KLHL24: variants seen among roughly 807,000 people sequenced by gnomAD.
KLHL24 encodes kelch like family member 24, also known as kelch-like protein 24.
In KLHL24, 29 loss-of-function variants were observed where a neutral mutation model predicts 53.4. The observed-to-expected ratio is 0.54, with a 90% CI of 0.40 to 0.74. The LOEUF is 0.74. Among genes scored for constraint, KLHL24 ranks in the 30% least tolerant of loss-of-function variants. The probability of loss-of-function intolerance (pLI) is 0.00; values close to 1 mark genes in which losing one functional copy is unlikely to be tolerated. For synonymous variants in KLHL24, 222 were observed against 253.7 expected, an observed-to-expected ratio of 0.88 and a Z score of 1.19; for missense variants, 504 against 744.0, an observed-to-expected ratio of 0.68 and a Z score of 3.75.
At chr3:183,640,999 A>G (rs910186318) in intron 1 of KLHL24, among the ~76,000 whole-genome samples, 2 of 152,148 alleles carry the variant, frequency 1.3e-5, no homozygotes, top group South Asian at 2.1e-4. Flanking sequence ...TAAACATTAC[A>G]TTTGTAAAAC....
chr3:183,652,071 C>T (rs1718197448), intron 3 of KLHL24, among the ~76,000 whole-genome samples: 1 of 152,094 alleles, frequency 6.6e-6, no homozygotes, highest in Non-Finnish European at 1.5e-5. Flanking sequence ...GATGTAAAAT[C>T]CAGGCCTCAA....
chr3:183,654,240 A>G (rs73884588), intron 3 of KLHL24, among the ~76,000 whole-genome samples: 2,619 of 152,096 alleles, frequency 0.017, 82 homozygotes, highest in African/African-American at 0.061. Context: ...TGGTCCTCCT[A>G]TTTCTCCAGT....
chr3:183,647,921 G>A (rs920740451), intron 2 of KLHL24, among the ~76,000 whole-genome samples: 4 of 152,020 alleles, frequency 2.6e-5, no homozygotes, highest in Admixed American at 6.6e-5. Context: ...CACGAAAATC[G>A]CTTGAACCCG....
intron 3 of KLHL24, among the ~76,000 whole-genome samples, chr3:183,655,945 A>T (rs1023042732): frequency 6.6e-6 from 1 of 151,904 alleles, no homozygotes; most frequent in Non-Finnish European, 1.5e-5. Flanking sequence ...AATTATTATT[A>T]ATTAAAATTT....
intron 7 of KLHL24, among the ~76,000 whole-genome samples, chr3:183,674,272 TTTCTTTC>T (rs1404447620): frequency 6.6e-6 from 1 of 150,586 alleles, no homozygotes; most frequent in East Asian, 1.9e-4. Context: ...TCTTTCTTTC[TTTCTTTC>T]TTTCTTTCTT....
rs760251540 is a variant in KLHL24, at chr3:183,679,211, T to A, written c.1728T>A (p.Ala576=). The A allele has an allele frequency of 6.2e-7, 1 of 1,614,068 alleles. No homozygotes were observed. The highest frequency in any genetic ancestry group is 8.5e-7 in the Non-Finnish European group (1 of 1,179,960). The change falls in exon 8 of 8, where the codon GCT becomes GCA. Residue 576 remains alanine (A), a synonymous_variant. Coordinates refer to ENST00000242810, the MANE Select transcript of KLHL24 (RefSeq NM_017644.3). The part of the protein sequence containing the change: ...DPATSIITGV[A]AMPRPVSYHG... ...CAACAAGTATCATCACAGGGGTAGC[T>A]GCAATGCCCAGGCCAGTGTCCTATC...
chr3:183,672,596 G>A (rs1009265456), intron 7 of KLHL24, 112 bp downstream of exon 7: 2 of 764,222 alleles, frequency 2.6e-6, no homozygotes, highest in African/African-American at 3.6e-5. Context: ...TGGGCGTGGT[G>A]GCTCACGCCT....
At position 183,679,226 on chromosome 3, in the gene KLHL24, A is replaced by G. The variant is rs1485380703; in HGVS notation, c.1743A>G (p.Pro581=). ...IITGVAAMPR[P]VSYHGCVTIH... ...CAGGGGTAGCTGCAATGCCCAGGCC[A>G]GTGTCCTATCATGGCTGTGTGACTA... The change falls in exon 8 of 8, where the codon CCA becomes CCG. Residue 581 remains proline (P), a synonymous_variant. Coordinates refer to ENST00000242810, the MANE Select transcript of KLHL24 (RefSeq NM_017644.3). 1 of 1,613,986 alleles carries G rather than the reference A, an allele frequency of 6.2e-7. No homozygotes were observed. The highest frequency in any genetic ancestry group is 1.3e-5 in the African/African-American group (1 of 74,924).
At position 183,650,556 on chromosome 3, in the gene KLHL24, A is replaced by T. The variant is rs1424446859; in HGVS notation, c.200A>T (p.Asp67Val). Residue 67 changes from aspartate (D) to valine (V), a missense_variant, in exon 3 of 8, where the codon GAT becomes GTT. Physicochemically the swap from Asp to Val is radical, Grantham distance 152. Coordinates refer to ENST00000242810, the MANE Select transcript of KLHL24 (RefSeq NM_017644.3). This position sits in a 1 kb window ranked among gnomAD's most constrained non-coding sequence, Gnocchi z 4.5. ...NEFRDSRLFT[D>V]VIICVEGKEF... ...TTTCGTGATAGCCGCTTATTCACAG[A>T]TGTTATCATTTGTGTGGAAGGAAAA... is the stretch of plus-strand genomic sequence containing the variant. The T allele has an allele frequency of 1.2e-6, 2 of 1,613,942 alleles. No homozygotes were observed. The highest frequency in any genetic ancestry group is 3.3e-5 in the Admixed American group (2 of 59,990).
intron 3 of KLHL24, among the ~76,000 whole-genome samples, chr3:183,653,665 A>G (rs532893980): frequency 1.3e-5 from 2 of 152,356 alleles, no homozygotes; most frequent in African/African-American, 4.8e-5. Flanking sequence ...TAGTTACAAA[A>G]CTAATTAATG....
intron 2 of KLHL24, among the ~76,000 whole-genome samples, chr3:183,644,463 T>C: frequency 6.6e-6 from 1 of 152,210 alleles, no homozygotes; most frequent in East Asian, 1.9e-4. Context: ...GGCAGCAGGC[T>C]GAAGCTGTTT....
chr3:183,679,657 A>T lies in KLHL24; in HGVS notation c.*371A>T, dbSNP rs1017247818. On this transcript the variant is annotated 3_prime_UTR_variant, in exon 8 of 8. Transcript: ENST00000242810. Reference sequence around the variant, plus strand: ...CTGTATGTATATTCCTTATTTTGTCATATATGTAGAGAAAATTGCATGACT... The same window carrying T: ...CTGTATGTATATTCCTTATTTTGTCTTATATGTAGAGAAAATTGCATGACT... 1 of 166,476 alleles carries T rather than the reference A, an allele frequency of 6.0e-6. No homozygotes were observed. Among genetic ancestry groups the T allele is most frequent in the Non-Finnish European group, 1.3e-5 (1 of 77,420 alleles). 10.3% of individuals were successfully genotyped at this position (166,476 alleles called of 1,614,324 possible). A position where few individuals can be genotyped will look rare whatever the true frequency, so the allele number is the denominator to read the frequency against.
intron 1 of KLHL24, among the ~76,000 whole-genome samples, chr3:183,640,783 G>A (rs1482360576): frequency 6.6e-6 from 1 of 151,732 alleles, no homozygotes; most frequent in African/African-American, 2.4e-5. Context: ...TGTATTTTTA[G>A]TAGAAACGGG....
chr3:183,672,028 G>A (rs116348758), intron 6 of KLHL24, among the ~76,000 whole-genome samples: 157 of 152,250 alleles, frequency 1.0e-3, no homozygotes, highest in African/African-American at 3.4e-3. Context: ...GATTTAGACT[G>A]TTAATTTTAG....
chr3:183,658,862 C>T (rs1719295226), intron 3 of KLHL24, among the ~76,000 whole-genome samples: 1 of 151,526 alleles, frequency 6.6e-6, no homozygotes, highest in Non-Finnish European at 1.5e-5. Context: ...TACAGTGACA[C>T]AGTCGTAGCT....
At chr3:183,669,774 A>G (rs1339787165) in intron 5 of KLHL24, among the ~76,000 whole-genome samples, 2 of 152,178 alleles carry the variant, frequency 1.3e-5, no homozygotes, top group Non-Finnish European at 2.9e-5. Flanking sequence ...AGAGAGAACA[A>G]GAGTGGAGGC....
intron 2 of KLHL24, among the ~76,000 whole-genome samples, chr3:183,646,226 G>A (rs955785852): frequency 2.0e-4 from 31 of 151,728 alleles, no homozygotes; most frequent in African/African-American, 7.3e-4. Context: ...GCCCGGCATG[G>A]TGGCATGTGC....
At chr3:183,653,015 G>A (rs1049848395) in intron 3 of KLHL24, among the ~76,000 whole-genome samples, 13 of 152,010 alleles carry the variant, frequency 8.6e-5, no homozygotes, top group African/African-American at 3.1e-4. Flanking sequence ...GCAGCCTAAG[G>A]GTCCCATCAC....
intron 3 of KLHL24, among the ~76,000 whole-genome samples, chr3:183,662,669 T>C (rs1719974083): frequency 6.6e-6 from 1 of 152,186 alleles, no homozygotes; most frequent in Non-Finnish European, 1.5e-5. Flanking sequence ...ATTCTTTTAG[T>C]GGTGTTAAAT....
Sources: gnomAD v4.1 joint callset for allele counts (sites outside exome capture counted in the v4.1 genomes callset) on GRCh38, gnomAD v4.1.1 for gene constraint, Gnocchi (gnomAD v3.1) non-coding constraint, MANE v1.5 for transcripts, NCBI Gene and HGNC (gene_info 2026-07-23, HGNC 2026-07-21) for gene names.